The following PARD3B variants were observed in gnomAD, a reference collection of about 807,000 sequenced individuals.
PARD3B encodes par-3 family cell polarity regulator beta.
In PARD3B, 103 loss-of-function variants were observed where a neutral mutation model predicts 130.2. The ratio of observed to expected loss-of-function variants is 0.79; its 90% CI spans 0.67 to 0.93. The LOEUF (loss-of-function observed/expected upper bound fraction) is 0.93. Among genes scored for constraint, PARD3B ranks in the 40% least tolerant of loss-of-function variants. The pLI is 0.00. For missense variants in PARD3B, 1,609 were observed against 1,499.2 expected, an observed-to-expected ratio of 1.07 and a Z score of -1.21; for synonymous variants, 583 against 553.2, an observed-to-expected ratio of 1.05 and a Z score of -0.76.
At chr2:204,919,090 T>C (rs7560192) in intron 2 of PARD3B, among the ~76,000 whole-genome samples, 44,148 of 152,054 alleles carry the variant, frequency 0.29, 7,082 homozygotes, top group Non-Finnish European at 0.36. Context: ...ACATTGAACT[T>C]TATTTGCTTT....
intron 10 of PARD3B, among the ~76,000 whole-genome samples, chr2:205,130,891 C>T (rs1245625944): frequency 6.6e-6 from 1 of 152,152 alleles, no homozygotes; most frequent in Admixed American, 6.6e-5. Context: ...AAATGATGCA[C>T]ATGCATGTGG....
At chr2:205,533,723 T>C (rs1394958908) in intron 21 of PARD3B, among the ~76,000 whole-genome samples, 4 of 148,230 alleles carry the variant, frequency 2.7e-5, no homozygotes, top group African/African-American at 1.0e-4. Context: ...GTTTTGGGGG[T>C]TTTTTGTTTG....
chr2:204,609,545 C>T lies in PARD3B; in HGVS notation c.120+63426C>T, dbSNP rs142927528. ...AAGAACTGGGATATCTTGAAGTAGT[C>T]GGGAGTGGGGGTTACAGGTCATGGG... On this transcript the variant is annotated intron_variant, in intron 1 of 22. Transcript: ENST00000406610. Among the ~76,000 whole-genome samples the T allele has an allele frequency of 2.4e-3, 371 of 152,180 alleles. 1 individual carries two copies. The highest frequency in any genetic ancestry group is 4.2e-3 in the Non-Finnish European group (288 of 67,996).
chr2:205,121,281 A>G lies in PARD3B; in HGVS notation c.807-310A>G, dbSNP rs922787530. On this transcript the variant is annotated intron_variant, in intron 7 of 22. Coordinates refer to ENST00000406610, the MANE Select transcript of PARD3B (RefSeq NM_001302769.2). The surrounding 1 kb of genome is among the most constrained non-coding windows in gnomAD (Gnocchi z 5.0). ...GTAAAAGCTGTGGGTCATTGGATAA[A>G]TTATTTCATCTCTCTGAGCCTCAAC... Among the ~76,000 whole-genome samples the G allele has an allele frequency of 6.6e-6, 1 of 152,210 alleles. No homozygotes were observed. Among genetic ancestry groups the G allele is most frequent in the African/African-American group, 2.4e-5 (1 of 41,456 alleles).
At chr2:204,899,599 AT>A (rs1257666510) in intron 2 of PARD3B, among the ~76,000 whole-genome samples, 109 of 152,130 alleles carry the variant, frequency 7.2e-4, no homozygotes, top group African/African-American at 2.5e-3. Context: ...TGTTGTTATT[AT>A]TTTTAATAGG....
At position 204,861,269 on chromosome 2, in the gene PARD3B, C is replaced by T. The variant is rs576009612; in HGVS notation, c.223-103883C>T. Reference sequence around the variant, plus strand: ...AATTAATTAATTTAGATGACTTTCACGTAGTAACTTTTATCCACAAGTAAT... The same window carrying T: ...AATTAATTAATTTAGATGACTTTCATGTAGTAACTTTTATCCACAAGTAAT... On this transcript the variant is annotated intron_variant, in intron 2 of 22. Coordinates refer to ENST00000406610, the MANE Select transcript of PARD3B (RefSeq NM_001302769.2). 6.3e-4 allele frequency among the ~76,000 whole-genome samples: 94 copies of T among 149,702 alleles called. 2 individuals are homozygous for T. The South Asian group carries it at 0.018, about 29-fold the overall frequency.
In PARD3B at chr2:205,351,397, G is replaced by A. The variant is rs1403917798; in HGVS notation, c.2631-49616G>A. ...ATTGAGCCTAGGTCATCTCTTTTGG[G>A]CAAGGATGGTGAGTTTTCAGAAAAC... On this transcript the variant is annotated intron_variant, in intron 18 of 22. Transcript: ENST00000406610. The surrounding 1 kb of genome is among the most constrained non-coding windows in gnomAD (Gnocchi z 4.2). 6.6e-6 allele frequency among the ~76,000 whole-genome samples: 1 copy of A among 152,076 alleles called. No individual in the cohort carries two copies. The highest frequency in any genetic ancestry group is 1.5e-5 in the Non-Finnish European group (1 of 68,028).
rs1240923961 is a variant in PARD3B at position 205,115,579 on chromosome 2, G to C, written c.680+2002G>C. ...GAAATAGTTCTATTATTTATTTTTT[G>C]CTATCCACCAGTATTATAGGAAGGA... is the stretch of plus-strand genomic sequence containing the variant. On this transcript the variant is annotated intron_variant, in intron 6 of 22. Transcript: ENST00000406610. 2.0e-5 allele frequency among the ~76,000 whole-genome samples: 3 copies of C among 152,056 alleles called. No individual in the cohort carries two copies. The East Asian group carries it at 5.8e-4, about 29-fold the overall frequency.
chr2:204,760,800 T>A (rs2040867128), intron 2 of PARD3B, among the ~76,000 whole-genome samples: 1 of 152,160 alleles, frequency 6.6e-6, no homozygotes, highest in Non-Finnish European at 1.5e-5. Flanking sequence ...TCTCTCCTTT[T>A]CAAAATTTGC....
chr2:204,939,639 A>G (rs928545757), intron 2 of PARD3B, among the ~76,000 whole-genome samples: 1 of 152,130 alleles, frequency 6.6e-6, no homozygotes, highest in Non-Finnish European at 1.5e-5. Context: ...TTTTTTGCTT[A>G]TTCCAAAAGC....
intron 2 of PARD3B, among the ~76,000 whole-genome samples, chr2:204,688,739 T>C (rs1574710009): frequency 1.3e-5 from 2 of 152,292 alleles, no homozygotes; most frequent in African/African-American, 2.4e-5. Context: ...AAGAAGTAAC[T>C]ATAAGTGATG....
At chr2:204,601,821 A>G (rs114716886) in intron 1 of PARD3B, among the ~76,000 whole-genome samples, 1,940 of 152,156 alleles carry the variant, frequency 0.013, 27 homozygotes, top group Middle Eastern at 0.034. Flanking sequence ...TTTCATCTAC[A>G]TTATTCAAAT....
At chr2:205,262,313 G>A (rs560805727) in intron 16 of PARD3B, among the ~76,000 whole-genome samples, 1 of 152,092 alleles carries the variant, frequency 6.6e-6, no homozygotes, top group Non-Finnish European at 1.5e-5. Flanking sequence ...TGATGTACTA[G>A]TTGTGTATTG....
chr2:205,218,400 T>G (rs2125865598), intron 15 of PARD3B, among the ~76,000 whole-genome samples: 1 of 152,302 alleles, frequency 6.6e-6, no homozygotes, highest in Non-Finnish European at 1.5e-5. Context: ...TAAATGTTTA[T>G]CCCTGAAATG....
chr2:205,194,950 A>AT (rs56836818), intron 15 of PARD3B, among the ~76,000 whole-genome samples: 18,975 of 111,148 alleles, frequency 0.17, 2,269 homozygotes, highest in African/African-American at 0.32. Flanking sequence ...CGCCAGGCTA[A>AT]TTTTTTTTTT....
At chr2:205,451,273 A>C (rs1316322758) in intron 20 of PARD3B, among the ~76,000 whole-genome samples, 1 of 152,214 alleles carries the variant, frequency 6.6e-6, no homozygotes, top group Non-Finnish European at 1.5e-5. Flanking sequence ...GTGCTAGTCA[A>C]GTTCATCCCT....
chr2:205,348,176 G>C (rs1167324377), intron 18 of PARD3B: 1 of 152,238 alleles, frequency 6.6e-6, no homozygotes, highest in African/African-American at 2.4e-5. Flanking sequence ...CAGTAAGTAA[G>C]TAATAGCTAC....
intron 2 of PARD3B, among the ~76,000 whole-genome samples, chr2:204,863,953 C>T (rs1334686454): frequency 6.6e-6 from 1 of 151,972 alleles, no homozygotes; most frequent in Non-Finnish European, 1.5e-5. Flanking sequence ...TTGTCAATCC[C>T]CATGGTTTAT....
At chr2:204,832,603 TAAGAG>T (rs1186966707) in intron 2 of PARD3B, among the ~76,000 whole-genome samples, 2 of 152,158 alleles carry the variant, frequency 1.3e-5, no homozygotes, top group South Asian at 2.1e-4. Context: ...GCAGTGGACA[TAAGAG>T]AAGACTGGCA....
Sources: allele counts gnomAD v4.1 joint callset (sites outside exome capture counted in the v4.1 genomes callset), GRCh38; gene constraint gnomAD v4.1.1; non-coding constraint Gnocchi (gnomAD v3.1); transcripts MANE v1.5; gene names NCBI Gene and HGNC (gene_info 2026-07-23, HGNC 2026-07-21).